PNPLA7: variants seen among roughly 807,000 people sequenced by gnomAD.
PNPLA7 encodes patatin-like phospholipase domain-containing protein 7.
In PNPLA7, 153 loss-of-function variants were observed where a neutral mutation model predicts 161.7. The ratio of observed to expected loss-of-function variants is 0.95; its 90% CI spans 0.83 to 1.08. PNPLA7 has a LOEUF of 1.08. Ranked by LOEUF, PNPLA7 falls within the 50% of genes least tolerant of loss-of-function variation. The probability of loss-of-function intolerance (pLI) is 0.00; values close to 1 mark genes in which losing one functional copy is unlikely to be tolerated. For missense variants in PNPLA7, 1,739 were observed against 1,856.6 expected (o/e 0.94, Z 1.16); for synonymous variants, 809 against 782.1 (o/e 1.03, Z -0.57).
At chr9:137,487,279 C>A (rs1315355834) in intron 20 of PNPLA7, among the ~76,000 whole-genome samples, 1 of 152,236 alleles carries the variant, frequency 6.6e-6, no homozygotes, top group Non-Finnish European at 1.5e-5. Flanking sequence ...AGGGCTGTGA[C>A]CAAGCAGCGC....
intron 23 of PNPLA7, chr9:137,479,725 G>T: frequency 1.0e-6 from 1 of 985,442 alleles, no homozygotes; most frequent in Non-Finnish European, 1.2e-6. Context: ...ACAGGACTGG[G>T]TGGCCATGAG....
intron 20 of PNPLA7, among the ~76,000 whole-genome samples, chr9:137,488,749 C>T (rs1015257214): frequency 3.0e-5 from 4 of 131,392 alleles, no homozygotes; most frequent in African/African-American, 1.1e-4. Context: ...GACCAGCCAG[C>T]ATCCTCCCAA....
At chr9:137,462,909 C>G (rs538240638) in intron 29 of PNPLA7, 76 bp from the exon 30 acceptor site, 3 of 1,571,858 alleles carry the variant, frequency 1.9e-6, no homozygotes, top group African/African-American at 2.7e-5. Flanking sequence ...CCTGCCTCTC[C>G]GAGCCCTGAC....
chr9:137,528,701 C>A (rs1000267921), intron 8 of PNPLA7, among the ~76,000 whole-genome samples: 1 of 151,118 alleles, frequency 6.6e-6, no homozygotes, highest in Non-Finnish European at 1.5e-5. Context: ...ATATCTTCTT[C>A]CAGCCTTTTT....
chr9:137,489,592 G>T (rs1832671685), intron 20 of PNPLA7, among the ~76,000 whole-genome samples: 1 of 152,192 alleles, frequency 6.6e-6, no homozygotes, highest in Non-Finnish European at 1.5e-5. Flanking sequence ...CGATAAAGCT[G>T]TTATCATTAC....
intron 11 of PNPLA7, among the ~76,000 whole-genome samples, chr9:137,516,202 C>A (rs1390166834): frequency 7.0e-6 from 1 of 143,576 alleles, no homozygotes; most frequent in Non-Finnish European, 1.5e-5. Flanking sequence ...AAACTCCATC[C>A]AGGTGGGGCT....
At chr9:137,544,193 C>A (rs150786745) in intron 4 of PNPLA7, among the ~76,000 whole-genome samples, 2 of 152,270 alleles carry the variant, frequency 1.3e-5, no homozygotes, top group African/African-American at 2.4e-5. Context: ...ACCTTCCCCC[C>A]CAACTTCCCC....
chr9:137,474,435 C>T (rs113674207), intron 25 of PNPLA7, among the ~76,000 whole-genome samples: 6 of 152,140 alleles, frequency 3.9e-5, no homozygotes, highest in South Asian at 2.1e-4. Flanking sequence ...GCGTGATCAA[C>T]GCCAGACACC....
At chr9:137,508,117 C>T (rs1440308631) in intron 12 of PNPLA7, among the ~76,000 whole-genome samples, 1 of 151,552 alleles carries the variant, frequency 6.6e-6, no homozygotes, top group East Asian at 2.0e-4. Context: ...CACTTGAGCC[C>T]TCATGGGCTG....
rs867090735 is a variant in PNPLA7 at position 137,523,058 on chromosome 9, C to T, written c.748-201G>A. Among the ~76,000 whole-genome samples, 13 of 152,236 alleles carry T rather than the reference C, an allele frequency of 8.5e-5. No individual in the cohort carries two copies. Among genetic ancestry groups the T allele is most frequent in the Middle Eastern group, 3.4e-3 (1 of 294 alleles). On this transcript the variant is annotated intron_variant, in intron 8 of 34. Coordinates refer to ENST00000406427, the MANE Select transcript of PNPLA7 (RefSeq NM_001098537.3). This position sits in a 1 kb window ranked among gnomAD's most constrained non-coding sequence, Gnocchi z 4.4. ...TTTTGACTGTCCAAGACATGTGCGG[C>T]GAAGGACTGGCTGACGATGAAATGT...
intron 20 of PNPLA7, among the ~76,000 whole-genome samples, chr9:137,487,731 G>A (rs930312229): frequency 2.0e-5 from 3 of 152,220 alleles, no homozygotes; most frequent in African/African-American, 7.2e-5. Flanking sequence ...ACACCGGCAC[G>A]GAACCGGCTG....
intron 11 of PNPLA7, chr9:137,516,295 T>C (rs955672990): frequency 1.0e-6 from 1 of 982,628 alleles, no homozygotes; most frequent in Non-Finnish European, 1.2e-6. Flanking sequence ...CAGGGCTGCA[T>C]CTGCCCCTCA....
At chr9:137,544,624 A>G (rs1164807100) in intron 4 of PNPLA7, among the ~76,000 whole-genome samples, 1 of 152,048 alleles carries the variant, frequency 6.6e-6, no homozygotes, top group Non-Finnish European at 1.5e-5. Flanking sequence ...TGAGTTTCTC[A>G]ATTTTCTTTT....
At chr9:137,474,742 G>A (rs763200276) in intron 25 of PNPLA7, among the ~76,000 whole-genome samples, 3 of 152,090 alleles carry the variant, frequency 2.0e-5, no homozygotes, top group Non-Finnish European at 4.4e-5. Context: ...GCTGGGCGCA[G>A]TGGCTCACGC....
chr9:137,478,682 G>A (rs956441060), intron 24 of PNPLA7: 2 of 193,014 alleles, frequency 1.0e-5, no homozygotes, highest in African/African-American at 2.3e-5. Flanking sequence ...GGATGTGGGG[G>A]CCTCAGCCTC....
At position 137,490,170 on chromosome 9, in the gene PNPLA7, T is replaced by C. The variant is rs7872209; in HGVS notation, c.2197+2843A>G. 0.018 allele frequency among the ~76,000 whole-genome samples: 2,775 copies of C among 152,290 alleles called. 92 individuals carry two copies. The highest frequency in any genetic ancestry group is 0.063 in the African/African-American group (2,636 of 41,550). On this transcript the variant is annotated intron_variant, in intron 20 of 34. Transcript: ENST00000406427. This position sits in a 1 kb window ranked among gnomAD's most constrained non-coding sequence, Gnocchi z 4.1. ...CTGCGGTGGCGCGATCATAGCTCAC[T>C]GTAACCTCGAACTCCGAGGCCCAAA...
At chr9:137,546,972 C>T in intron 3 of PNPLA7, 63 bp from the exon 4 acceptor site, 1 of 1,480,886 alleles carries the variant, frequency 6.8e-7, no homozygotes, top group Non-Finnish European at 9.4e-7. Flanking sequence ...CCTGGACATG[C>T]AGGTGCAGCA....
At chr9:137,462,932 G>T in intron 29 of PNPLA7, 99 bp from the exon 30 acceptor site, 3 of 1,506,302 alleles carry the variant, frequency 2.0e-6, no homozygotes, top group South Asian at 2.5e-5. Context: ...GGGGGTTGTG[G>T]GGTCTCCTCT....
chr9:137,520,100 A>AGGTGTG lies in PNPLA7; in HGVS notation c.958-63_958-58dup, dbSNP rs978848131. The AGGTGTG allele has an allele frequency of 1.3e-6, 2 of 1,597,652 alleles. No homozygotes were observed. Among genetic ancestry groups the AGGTGTG allele is most frequent in the East Asian group, 2.2e-5 (1 of 44,748 alleles). On this transcript the variant is annotated intron_variant, in intron 10 of 34. Transcript: ENST00000406427. The surrounding 1 kb of genome is among the most constrained non-coding windows in gnomAD (Gnocchi z 5.2). ...CCAGGAACACCCCACACCCACTGACAGGTGTGGGCTCCTCAAAGGTGTGAC... is the reference window on the plus strand; with the variant it reads ...CCAGGAACACCCCACACCCACTGACAGGTGTGGGTGTGGGCTCCTCAAAGGTGTGAC...
Sources: gnomAD v4.1 joint callset for allele counts (sites outside exome capture counted in the v4.1 genomes callset) on GRCh38, gnomAD v4.1.1 for gene constraint, Gnocchi (gnomAD v3.1) non-coding constraint, MANE v1.5 for transcripts, NCBI Gene and HGNC (gene_info 2026-07-23, HGNC 2026-07-21) for gene names.